Variants in PRKN observed in about 807,000 individuals in gnomAD.
PRKN encodes the protein parkin RBR E3 ubiquitin protein ligase.
Under a neutral mutation model 59.5 loss-of-function variants are expected in PRKN, and 56 were observed. The observed-to-expected ratio is 0.94, with a 90% CI of 0.76 to 1.18. The LOEUF is 1.18. Among genes scored for constraint, PRKN ranks in the 50% most tolerant of loss-of-function variants. The pLI is 0.00. For missense variants in PRKN, 657 were observed against 596.4 expected, an observed-to-expected ratio of 1.10 and a Z score of -1.06; for synonymous variants, 250 against 222.1, an observed-to-expected ratio of 1.13 and a Z score of -1.12.
At chr6:161,989,389 G>A (rs537650836) in intron 5 of PRKN, among the ~76,000 whole-genome samples, 9 of 152,088 alleles carry the variant, frequency 5.9e-5, no homozygotes, top group African/African-American at 1.4e-4. Context: ...CCACCAGTGC[G>A]TGGATATACC....
rs1209615679 is a variant in PRKN at position 161,527,296 on chromosome 6, C to T, written c.1083+21558G>A. Among the ~76,000 whole-genome samples the T allele has an allele frequency of 6.6e-6, 1 of 152,198 alleles. No homozygotes were observed. Among genetic ancestry groups the T allele is most frequent in the Non-Finnish European group, 1.5e-5 (1 of 68,044 alleles). On this transcript the variant is annotated intron_variant, in intron 9 of 11. Transcript: ENST00000366898. This position sits in a 1 kb window ranked among gnomAD's most constrained non-coding sequence, Gnocchi z 4.6. ...TGGGGTGGCATGTTCTGGTCTCCTA[C>T]CATCATATTTTGGGGTGAAGTGTCT... is the stretch of plus-strand genomic sequence containing the variant.
intron 1 of PRKN, among the ~76,000 whole-genome samples, chr6:162,488,585 G>T (rs1445099279): frequency 6.6e-6 from 1 of 152,166 alleles, no homozygotes; most frequent in Non-Finnish European, 1.5e-5. Flanking sequence ...AGGTGGTGGG[G>T]TCAGACAGCC....
intron 4 of PRKN, among the ~76,000 whole-genome samples, chr6:162,158,418 T>TGG (rs779369728): frequency 3.8e-5 from 1 of 26,474 alleles, no homozygotes; most frequent in African/African-American, 8.4e-5. Flanking sequence ...TTGTTTGCGT[T>TGG]TTTTTTTTTT....
At chr6:162,495,669 G>C (rs925901448) in intron 1 of PRKN, among the ~76,000 whole-genome samples, 11 of 152,182 alleles carry the variant, frequency 7.2e-5, no homozygotes, top group Non-Finnish European at 4.4e-5. Context: ...TTCTCTGCCA[G>C]TGTCATCTTT....
chr6:161,933,993 T>C (rs539573800), intron 6 of PRKN, among the ~76,000 whole-genome samples: 113 of 152,356 alleles, frequency 7.4e-4, no homozygotes, highest in African/African-American at 2.6e-3. Context: ...AATGCTGATA[T>C]GGTTAGGCTT....
intron 9 of PRKN, among the ~76,000 whole-genome samples, chr6:161,536,394 G>A: frequency 6.6e-6 from 1 of 151,118 alleles, no homozygotes; most frequent in East Asian, 1.9e-4. Context: ...GGAAAATGAG[G>A]TCATTTCCCA....
At chr6:162,551,305 C>G (rs1779322599) in intron 1 of PRKN, among the ~76,000 whole-genome samples, 1 of 152,082 alleles carries the variant, frequency 6.6e-6, no homozygotes, top group African/African-American at 2.4e-5. Flanking sequence ...AATTTCCAGT[C>G]CATAACAAGT....
Position 161,750,142 on chromosome 6 carries a change from C to CACATATAT in PRKN, c.871+35629_871+35630insATATATGT, listed in dbSNP as rs765990689. Among the ~76,000 whole-genome samples, 349 of 137,034 alleles carry CACATATAT rather than the reference C, an allele frequency of 2.5e-3. 3 individuals carry two copies. Among genetic ancestry groups the CACATATAT allele is most frequent in the African/African-American group, 9.2e-3 (340 of 36,858 alleles). 89.9% of individuals were successfully genotyped at this position (137,034 alleles called of 152,430 possible). A position where few individuals can be genotyped will look rare whatever the true frequency, so the allele number is the denominator to read the frequency against. On this transcript the variant is annotated intron_variant, in intron 7 of 11. Coordinates refer to ENST00000366898, the MANE Select transcript of PRKN (RefSeq NM_004562.3). ...ATACACACACACACACACACACACACATATATAAATTAGTACAAAATTGTT... is the reference window on the plus strand; with the variant it reads ...ATACACACACACACACACACACACACACATATATATATATAAATTAGTACAAAATTGTT...
chr6:161,654,293 T>C (rs189259121), intron 7 of PRKN, among the ~76,000 whole-genome samples: 4 of 152,340 alleles, frequency 2.6e-5, no homozygotes, highest in Admixed American at 1.3e-4. Context: ...GTATACATCA[T>C]TTGGTTTATG....
chr6:162,309,136 T>C (rs973531492), intron 2 of PRKN, among the ~76,000 whole-genome samples: 8 of 152,076 alleles, frequency 5.3e-5, no homozygotes, highest in South Asian at 2.1e-4. Context: ...TCCTCAGAGA[T>C]TGTAGCAAAT....
chr6:161,501,264 T>C (rs1180455367), intron 9 of PRKN, among the ~76,000 whole-genome samples: 1 of 152,236 alleles, frequency 6.6e-6, no homozygotes, highest in Non-Finnish European at 1.5e-5. Flanking sequence ...TTCCTGGAGC[T>C]CCACATCCTC....
intron 6 of PRKN, among the ~76,000 whole-genome samples, chr6:161,917,081 C>T (rs1465169938): frequency 1.3e-5 from 2 of 152,130 alleles, no homozygotes; most frequent in South Asian, 2.1e-4. Context: ...GGATTACAGG[C>T]GTGAGCCACC....
At chr6:161,608,460 C>T (rs547579625) in intron 7 of PRKN, among the ~76,000 whole-genome samples, 1 of 152,054 alleles carries the variant, frequency 6.6e-6, no homozygotes, top group South Asian at 2.1e-4. Context: ...CTTCATTGAT[C>T]TTTCATAGCT....
At chr6:162,536,594 C>G (rs541486821) in intron 1 of PRKN, among the ~76,000 whole-genome samples, 7 of 111,966 alleles carry the variant, frequency 6.3e-5, no homozygotes, top group Non-Finnish European at 1.3e-4. Flanking sequence ...CTACCTACTC[C>G]TCTCATTGCC....
At chr6:162,099,306 GT>G (rs1184674077) in intron 4 of PRKN, among the ~76,000 whole-genome samples, 1 of 152,078 alleles carries the variant, frequency 6.6e-6, no homozygotes, top group Non-Finnish European at 1.5e-5. Context: ...TAAAAGTAGG[GT>G]TTTTTCCTAC....
intron 5 of PRKN, among the ~76,000 whole-genome samples, chr6:162,010,284 AATATATTTTATATATTTATTAT>A (rs1233162277): frequency 4.8e-5 from 6 of 125,284 alleles, no homozygotes; most frequent in East Asian, 4.6e-4. Flanking sequence ...ATGTATGATA[AATATATTTTATATATTTATTAT>A]ATATATTTTA....
intron 1 of PRKN, among the ~76,000 whole-genome samples, chr6:162,474,960 CA>C (rs1791929615): frequency 6.6e-6 from 1 of 152,060 alleles, no homozygotes; most frequent in Admixed American, 6.6e-5. Flanking sequence ...AAATAAAATT[CA>C]AAATGAAATC....
At chr6:161,786,116 C>T (rs1583163478) in intron 6 of PRKN, among the ~76,000 whole-genome samples, 1 of 152,292 alleles carries the variant, frequency 6.6e-6, no homozygotes, top group Non-Finnish European at 1.5e-5. Context: ...ACTGATTCTC[C>T]TAATTTTACA....
At chr6:161,411,902 C>A (rs1262974905) in intron 9 of PRKN, among the ~76,000 whole-genome samples, 1 of 148,616 alleles carries the variant, frequency 6.7e-6, no homozygotes, top group Non-Finnish European at 1.5e-5. Flanking sequence ...TTCATTCCTC[C>A]ACTCACTCAT....
Sources: gnomAD v4.1 joint callset for allele counts (sites outside exome capture counted in the v4.1 genomes callset) on GRCh38, gnomAD v4.1.1 for gene constraint, Gnocchi (gnomAD v3.1) non-coding constraint, MANE v1.5 for transcripts, NCBI Gene and HGNC (gene_info 2026-07-23, HGNC 2026-07-21) for gene names.